CATSPERE: variants seen among roughly 807,000 people sequenced by gnomAD.
The protein encoded by CATSPERE is cation channel sperm-associated auxiliary subunit epsilon.
In CATSPERE, 93 loss-of-function variants were observed where a neutral mutation model predicts 114.1. That is an observed-to-expected ratio of 0.81 (90% CI 0.69 to 0.97). The LOEUF (loss-of-function observed/expected upper bound fraction) is 0.97. CATSPERE is among the 50% of genes least tolerant of loss of function. The probability of loss-of-function intolerance (pLI) is 0.00; values close to 1 mark genes in which losing one functional copy is unlikely to be tolerated. For synonymous variants in CATSPERE, 341 were observed against 384.1 expected (o/e 0.89, Z 1.31); for missense variants, 1,058 against 1,131.6 (o/e 0.93, Z 0.93).
intron 21 of CATSPERE, among the ~76,000 whole-genome samples, chr1:244,639,203 A>G (rs775602223): frequency 1.3e-5 from 2 of 152,090 alleles, no homozygotes; most frequent in Non-Finnish European, 2.9e-5. Flanking sequence ...CCACATTTCC[A>G]TGCCTTCTCA....
chr1:244,574,383 TAAG>T (rs1266324688), intron 11 of CATSPERE, among the ~76,000 whole-genome samples: 1 of 152,170 alleles, frequency 6.6e-6, no homozygotes, highest in Non-Finnish European at 1.5e-5. Flanking sequence ...TAGCACAAAG[TAAG>T]GAGGCTTGAA....
chr1:244,543,252 G>C (rs1339337929), intron 8 of CATSPERE, among the ~76,000 whole-genome samples: 2 of 152,064 alleles, frequency 1.3e-5, no homozygotes, highest in Non-Finnish European at 2.9e-5. Flanking sequence ...AAGATGCATG[G>C]ATAAAGAAGA....
intron 20 of CATSPERE, among the ~76,000 whole-genome samples, chr1:244,621,048 ATAAATATATAT>A (rs1283735685): frequency 1.5e-5 from 1 of 65,180 alleles, no homozygotes; most frequent in African/African-American, 8.9e-5. Context: ...AAATATATAT[ATAAATATATAT>A]AAATATATAT....
At chr1:244,461,540 C>T (rs1416042699) in intron 1 of CATSPERE, 46 bp downstream of exon 1, 1 of 1,259,606 alleles carries the variant, frequency 7.9e-7, no homozygotes, top group East Asian at 3.1e-5. Flanking sequence ...GGGGATTACC[C>T]CCGGCGGGGC....
chr1:244,604,575 A>G (rs1669722250), intron 17 of CATSPERE, among the ~76,000 whole-genome samples: 1 of 152,196 alleles, frequency 6.6e-6, no homozygotes, highest in Non-Finnish European at 1.5e-5. Flanking sequence ...AAGCTCTACC[A>G]GAAGGAGAAG....
rs115102703 is a variant in CATSPERE at position 244,621,558 on chromosome 1, C to T, written c.2648+3872C>T. On this transcript the variant is annotated intron_variant, in intron 20 of 21. Transcript: ENST00000366534. The stretch of plus-strand genomic sequence containing the variant: ...CCTCAGAAAATCCCGAAAGGAAAAG[C>T]GCCAACCAACAAAACATAAGAAAAG... Among the ~76,000 whole-genome samples the T allele has an allele frequency of 9.2e-3, 1,386 of 151,460 alleles. 10 individuals carry two copies. Among genetic ancestry groups the T allele is most frequent in the South Asian group, 0.016 (77 of 4,808 alleles).
intron 17 of CATSPERE, among the ~76,000 whole-genome samples, chr1:244,595,755 C>T (rs1428546127): frequency 2.0e-5 from 3 of 152,132 alleles, no homozygotes; most frequent in Non-Finnish European, 4.4e-5. Flanking sequence ...CACAGTGAAA[C>T]CCTGTCTCTA....
intron 8 of CATSPERE, among the ~76,000 whole-genome samples, chr1:244,547,850 A>AC (rs1660000578): frequency 6.6e-6 from 1 of 152,252 alleles, no homozygotes; most frequent in Non-Finnish European, 1.5e-5. Context: ...TTCTCGAAAG[A>AC]CATAGAGTGG....
intron 7 of CATSPERE, among the ~76,000 whole-genome samples, chr1:244,516,722 A>AT (rs1676702778): frequency 6.6e-6 from 1 of 151,748 alleles, no homozygotes; most frequent in Non-Finnish European, 1.5e-5. Context: ...GAGTTTCACC[A>AT]TGTTGGCGAG....
intron 7 of CATSPERE, among the ~76,000 whole-genome samples, chr1:244,514,430 G>A (rs1676250685): frequency 6.6e-6 from 1 of 152,170 alleles, no homozygotes; most frequent in Admixed American, 6.6e-5. Flanking sequence ...ACATGACAGA[G>A]TTTCTTCTAT....
intron 5 of CATSPERE, among the ~76,000 whole-genome samples, chr1:244,484,027 A>G (rs1572326094): frequency 6.6e-6 from 1 of 152,106 alleles, no homozygotes; most frequent in African/African-American, 2.4e-5. Flanking sequence ...CTACATGAAT[A>G]ATTAATTTTC....
At chr1:244,513,269 G>GGGTGCC (rs1316489207) in intron 7 of CATSPERE, among the ~76,000 whole-genome samples, 1 of 152,046 alleles carries the variant, frequency 6.6e-6, no homozygotes, top group East Asian at 1.9e-4. Flanking sequence ...ACACAGATGT[G>GGGTGCC]GGTGCCAGTG....
Position 244,463,929 on chromosome 1 carries a change from C to T in CATSPERE, c.87C>T (p.Asn29=). 2 of 1,602,880 alleles carry T rather than the reference C, an allele frequency of 1.2e-6. No individual in the cohort carries two copies. Among genetic ancestry groups the T allele is most frequent in the Non-Finnish European group, 1.7e-6 (2 of 1,170,062 alleles). Residue 29 remains asparagine (N), a synonymous_variant, in exon 2 of 22, where the codon AAC becomes AAT. Transcript: ENST00000366534. ...ACAGGTATTCCACTAACAGCCCAAA[C>T]TATCGCATTTTTAGTACCAGAAGTA... ...ALWRYSTNSP[N]YRIFSTRSTI... is the part of the protein sequence containing the mutation.
At chr1:244,579,409 A>G (rs12045596) in intron 11 of CATSPERE, among the ~76,000 whole-genome samples, 15,653 of 152,244 alleles carry the variant, frequency 0.1, 1,252 homozygotes, top group East Asian at 0.41. Context: ...CAAATGATAA[A>G]ATAGACTAGT....
intron 1 of CATSPERE, among the ~76,000 whole-genome samples, chr1:244,462,929 G>A (rs1380093986): frequency 6.6e-6 from 1 of 152,148 alleles, no homozygotes; most frequent in Non-Finnish European, 1.5e-5. Context: ...TGTAGACATG[G>A]AATAGATTCT....
At position 244,461,455 on chromosome 1, in the gene CATSPERE, T is replaced by C. The variant is rs372478530; in HGVS notation, c.26T>C (p.Leu9Pro). The change falls in exon 1 of 22, where the codon CTG (leucine) becomes CCG (proline). Residue 9 changes from leucine to proline, a missense_variant. Around this residue, in one of 2 missense-constraint regions of CATSPERE, gnomAD observed 271 missense variants for 225.9 expected, o/e 1.20. Coordinates refer to ENST00000366534, the MANE Select transcript of CATSPERE (RefSeq NM_001130957.2). MSAREVAVLLLWLSCYGSA... is the reference protein window; with the variant it reads MSAREVAVPLLWLSCYGSA... The stretch of plus-strand genomic sequence containing the variant: ...ATGTCAGCCCGGGAAGTGGCCGTGC[T>C]GCTGCTGTGGCTGAGCTGCTATGGC... The C allele has an allele frequency of 4.0e-5, 55 of 1,378,164 alleles. No homozygotes were observed. The highest frequency in any genetic ancestry group is 5.0e-5 in the Non-Finnish European group (53 of 1,058,144). 85.4% of individuals were successfully genotyped at this position (1,378,164 alleles called of 1,614,324 possible). A position where few individuals can be genotyped will look rare whatever the true frequency, so the allele number is the denominator to read the frequency against.
intron 20 of CATSPERE, among the ~76,000 whole-genome samples, chr1:244,625,519 C>T (rs1302021593): frequency 1.4e-5 from 2 of 141,162 alleles, no homozygotes; most frequent in Admixed American, 7.3e-5. Flanking sequence ...ACCTCCACCT[C>T]CAGGGTTCAA....
rs1558388957 is a variant in CATSPERE at position 244,504,944 on chromosome 1, T to G, written c.429+5865T>G. 6.6e-6 allele frequency among the ~76,000 whole-genome samples: 1 copy of G among 152,208 alleles called. No individual in the cohort carries two copies. On this transcript the variant is annotated intron_variant, in intron 7 of 21. Coordinates refer to ENST00000366534, the MANE Select transcript of CATSPERE (RefSeq NM_001130957.2). This position sits in a 1 kb window ranked among gnomAD's most constrained non-coding sequence, Gnocchi z 4.1. ...AAAGGAGTATCTACATAAATATTTT[T>G]GGAATTCTTATTTTATGGCAAACTT...
intron 10 of CATSPERE, among the ~76,000 whole-genome samples, chr1:244,564,681 T>C (rs1309004167): frequency 2.6e-5 from 4 of 152,202 alleles, no homozygotes; most frequent in African/African-American, 9.6e-5. Context: ...TATACAATCA[T>C]GTCATCTCCA....
Sources: gnomAD v4.1 joint callset for allele counts (sites outside exome capture counted in the v4.1 genomes callset) on GRCh38, gnomAD v4.1.1 for gene constraint, gnomAD v4.1.1 regional missense constraint, Gnocchi (gnomAD v3.1) non-coding constraint, MANE v1.5 for transcripts, NCBI Gene and HGNC (gene_info 2026-07-23, HGNC 2026-07-21) for gene names.